CTNNA2: variants seen among roughly 807,000 people sequenced by gnomAD.
CTNNA2 encodes the protein catenin alpha 2.
Under a neutral mutation model 101.0 loss-of-function variants are expected in CTNNA2, and 42 were observed. The observed-to-expected ratio is 0.42, with a 90% CI of 0.32 to 0.54. The LOEUF (loss-of-function observed/expected upper bound fraction) is 0.54, where lower values mean the gene tolerates loss of function less well. CTNNA2 is among the 20% of genes least tolerant of loss of function. The pLI, the probability that CTNNA2 is intolerant of heterozygous loss-of-function variation, is 0.14. For synonymous variants in CTNNA2, 450 were observed against 456.4 expected (o/e 0.99, Z 0.18); for missense variants, 871 against 1,223.1 (o/e 0.71, Z 4.29).
intron 4 of CTNNA2, among the ~76,000 whole-genome samples, chr2:79,465,215 T>G (rs1670920139): frequency 6.6e-6 from 1 of 152,236 alleles, no homozygotes; most frequent in Non-Finnish European, 1.5e-5. Flanking sequence ...TAGCCAGTTT[T>G]CCCAGTACCA....
intron 2 of CTNNA2, among the ~76,000 whole-genome samples, chr2:79,198,581 AT>A (rs1310843794): frequency 6.6e-6 from 1 of 152,216 alleles, no homozygotes; most frequent in Non-Finnish European, 1.5e-5. Context: ...GAGCAAAAGA[AT>A]TGTATATTCT....
chr2:79,202,328 T>G (rs1674046132), intron 2 of CTNNA2, among the ~76,000 whole-genome samples: 1 of 122,042 alleles, frequency 8.2e-6, no homozygotes, highest in Non-Finnish European at 1.7e-5. Flanking sequence ...CACACACTTG[T>G]TTTTTTATTT....
intron 7 of CTNNA2, among the ~76,000 whole-genome samples, chr2:80,260,354 A>G (rs1189574210): frequency 6.6e-6 from 1 of 152,224 alleles, no homozygotes; most frequent in Non-Finnish European, 1.5e-5. Flanking sequence ...TCATGGAGCC[A>G]TGGCACTATT....
rs1042008671 is a variant in CTNNA2 at position 79,857,895 on chromosome 2, A to G, written c.299-118A>G. 4 of 1,079,210 alleles carry G rather than the reference A, an allele frequency of 3.7e-6. No homozygotes were observed. The African/African-American group carries it at 6.3e-5, about 17-fold the overall frequency. The allele number at this position is 1,079,210 out of a possible 1,614,324, so 66.9% of individuals were successfully genotyped here. ...TTGCTGCAATAGAGGTGGCAGAAAT[A>G]CCACCTGGTCATCAGAGTTTTGCAA... is the stretch of plus-strand genomic sequence containing the variant. On this transcript the variant is annotated intron_variant, in intron 3 of 18. Coordinates refer to ENST00000402739, the MANE Select transcript of CTNNA2 (RefSeq NM_001282597.3).
chr2:79,410,784 G>A (rs1302490697), intron 4 of CTNNA2, among the ~76,000 whole-genome samples: 1 of 150,602 alleles, frequency 6.6e-6, no homozygotes, highest in African/African-American at 2.4e-5. Context: ...GTCTCTGCCC[G>A]GCTTTGGTAT....
intron 7 of CTNNA2, among the ~76,000 whole-genome samples, chr2:80,086,666 A>G (rs1699455156): frequency 6.6e-6 from 1 of 152,008 alleles, no homozygotes. Flanking sequence ...GCCCTAGCTA[A>G]CTTAGGTTAT....
At chr2:80,486,710 T>C (rs894425565) in intron 9 of CTNNA2, among the ~76,000 whole-genome samples, 4 of 152,204 alleles carry the variant, frequency 2.6e-5, no homozygotes, top group Non-Finnish European at 5.9e-5. Context: ...TTTAGACTGG[T>C]AAAATAATGC....
chr2:80,631,871 G>T lies in CTNNA2; in HGVS notation c.2574+12643G>T, dbSNP rs191574867. 7.2e-5 allele frequency among the ~76,000 whole-genome samples: 11 copies of T among 152,118 alleles called. No homozygotes were observed. The East Asian group carries it at 2.1e-3, about 29-fold the overall frequency. Reference sequence around the variant, plus strand: ...TGTAGAATGATGCGCCTAAAGTGATGTAGTACTTTTTGTTGTTGTTGTTGT... The same window carrying T: ...TGTAGAATGATGCGCCTAAAGTGATTTAGTACTTTTTGTTGTTGTTGTTGT... On this transcript the variant is annotated intron_variant, in intron 18 of 18. Transcript: ENST00000402739.
chr2:79,780,897 T>C (rs1430222108), intron 3 of CTNNA2, among the ~76,000 whole-genome samples: 1 of 152,148 alleles, frequency 6.6e-6, no homozygotes, highest in African/African-American at 2.4e-5. Context: ...TTTTAAGCAC[T>C]GACTTATAAA....
chr2:80,588,781 G>A (rs1161012736), intron 14 of CTNNA2, among the ~76,000 whole-genome samples: 5 of 152,138 alleles, frequency 3.3e-5, no homozygotes, highest in Non-Finnish European at 7.4e-5. Context: ...GGGGATTTTT[G>A]TTGGGCATCT....
chr2:79,970,350 G>C (rs1311346552), intron 7 of CTNNA2, among the ~76,000 whole-genome samples: 1 of 152,132 alleles, frequency 6.6e-6, no homozygotes, highest in Non-Finnish European at 1.5e-5. Flanking sequence ...AAAATGCCTT[G>C]GGGAAGAAAT....
chr2:79,780,701 C>G (rs960672), intron 3 of CTNNA2, among the ~76,000 whole-genome samples: 65,821 of 152,050 alleles, frequency 0.43, 18,148 homozygotes, highest in African/African-American at 0.77. Context: ...TCTTACTTCA[C>G]ATAGGAAGAC....
chr2:80,249,345 G>A (rs192588826), intron 7 of CTNNA2, among the ~76,000 whole-genome samples: 95 of 152,286 alleles, frequency 6.2e-4, no homozygotes, highest in Middle Eastern at 6.8e-3. Context: ...GATAGTTGGA[G>A]AGCCAGGATT....
chr2:79,835,349 T>C (rs1291691247), intron 3 of CTNNA2, among the ~76,000 whole-genome samples: 1 of 152,188 alleles, frequency 6.6e-6, no homozygotes, highest in Non-Finnish European at 1.5e-5. Flanking sequence ...AGCAATGAAA[T>C]GTGCATGTAG....
intron 7 of CTNNA2, among the ~76,000 whole-genome samples, chr2:79,980,948 T>C (rs1481743150): frequency 6.6e-6 from 1 of 152,140 alleles, no homozygotes; most frequent in African/African-American, 2.4e-5. Context: ...AAACATTCTG[T>C]GCTGTCTTCC....
intron 1 of CTNNA2, among the ~76,000 whole-genome samples, chr2:79,551,060 G>A (rs1280326854): frequency 6.6e-6 from 1 of 152,148 alleles, no homozygotes; most frequent in Non-Finnish European, 1.5e-5. Flanking sequence ...TTTGCAGCTT[G>A]TTCTTATAGC....
chr2:79,517,368 A>C (rs932939619), intron 1 of CTNNA2, among the ~76,000 whole-genome samples: 1 of 152,166 alleles, frequency 6.6e-6, no homozygotes, highest in African/African-American at 2.4e-5. Flanking sequence ...TTTCTCCCAA[A>C]TAGTAAAATG....
chr2:80,468,598 A>C (rs1685048131), intron 9 of CTNNA2, among the ~76,000 whole-genome samples: 1 of 152,062 alleles, frequency 6.6e-6, no homozygotes, highest in Non-Finnish European at 1.5e-5. Context: ...TTGTATTTTT[A>C]GTAGAGACGG....
chr2:80,643,283 G>A lies in CTNNA2; in HGVS notation c.2575-4302G>A, dbSNP rs550863038. On this transcript the variant is annotated intron_variant, in intron 18 of 18. Transcript: ENST00000402739. Reference sequence around the variant, plus strand: ...AAGATCATGGGCTCAGTGGTTAGATGGCCTGGGTTTACATCTTGGCTTCAC... The same window carrying A: ...AAGATCATGGGCTCAGTGGTTAGATAGCCTGGGTTTACATCTTGGCTTCAC... Among the ~76,000 whole-genome samples, 17 of 152,198 alleles carry A rather than the reference G, an allele frequency of 1.1e-4. 1 individual carries two copies. The highest frequency in any genetic ancestry group is 3.9e-4 in the African/African-American group (16 of 41,550).
Sources: gnomAD v4.1 joint callset for allele counts (sites outside exome capture counted in the v4.1 genomes callset) on GRCh38, gnomAD v4.1.1 for gene constraint, MANE v1.5 for transcripts, NCBI Gene and HGNC (gene_info 2026-07-23, HGNC 2026-07-21) for gene names.